The following TOM1L2 variants were observed in gnomAD, a reference collection of about 807,000 sequenced individuals.
The protein encoded by TOM1L2 is target of myb1 like 2 membrane trafficking protein.
Under a neutral mutation model 67.9 loss-of-function variants are expected in TOM1L2, and 31 were observed. That is an observed-to-expected ratio of 0.46 (90% confidence interval 0.34 to 0.62). The LOEUF is 0.62. TOM1L2 is among the 20% of genes least tolerant of loss of function. TOM1L2 has a pLI of 0.01. For missense variants in TOM1L2, 606 were observed against 663.5 expected (o/e 0.91, Z 0.95); for synonymous variants, 256 against 254.0 (o/e 1.01, Z -0.07).
chr17:17,907,660 T>C (rs2039159654), intron 1 of TOM1L2, 129 bp from the exon 2 acceptor site: 1 of 721,932 alleles, frequency 1.4e-6, no homozygotes, highest in Non-Finnish European at 2.3e-6. Context: ...AGAGCCATTC[T>C]AGGAGTGCTA....
intron 12 of TOM1L2, chr17:17,857,649 G>A (rs751678159): frequency 6.1e-5 from 49 of 798,496 alleles, no homozygotes; most frequent in African/African-American, 2.3e-4. Context: ...GAAAGAAAGC[G>A]TGTGGCCTTG....
chr17:17,854,059 G>A lies in TOM1L2; in HGVS notation c.1279-3107C>T, dbSNP rs547222349. Among the ~76,000 whole-genome samples, 4 of 152,364 alleles carry A rather than the reference G, an allele frequency of 2.6e-5. No individual in the cohort carries two copies. The East Asian group carries it at 7.7e-4, about 29-fold the overall frequency. ...AGGGCGTGAACCATGGTGGAGCAGG[G>A]TGATGGTTAACAGTTAAGCTTATAT... On this transcript the variant is annotated intron_variant, in intron 12 of 14. Coordinates refer to ENST00000379504, the MANE Select transcript of TOM1L2 (RefSeq NM_001082968.2).
At chr17:17,880,814 G>A (rs573500823) in intron 6 of TOM1L2, among the ~76,000 whole-genome samples, 104 of 152,278 alleles carry the variant, frequency 6.8e-4, no homozygotes, top group African/African-American at 2.0e-3. Flanking sequence ...ACACACATAC[G>A]GCCCTTGTTC....
At chr17:17,935,524 C>A (rs1335090477) in intron 1 of TOM1L2, among the ~76,000 whole-genome samples, 1 of 152,154 alleles carries the variant, frequency 6.6e-6, no homozygotes, top group Non-Finnish European at 1.5e-5. Context: ...CTGTGCTTTC[C>A]AAGGTCCTGG....
intron 1 of TOM1L2, among the ~76,000 whole-genome samples, chr17:17,947,486 T>C (rs2041001894): frequency 6.6e-6 from 1 of 152,174 alleles, no homozygotes; most frequent in South Asian, 2.1e-4. Context: ...AATCCAATCA[T>C]GCATGCACAG....
chr17:17,887,396 C>G (rs997980066), intron 4 of TOM1L2, among the ~76,000 whole-genome samples: 3 of 152,212 alleles, frequency 2.0e-5, no homozygotes, highest in East Asian at 3.8e-4. Flanking sequence ...TCTCTCATCT[C>G]TGGGTGTCTC....
At chr17:17,869,072 A>C in intron 8 of TOM1L2, 1 of 433,784 alleles carries the variant, frequency 2.3e-6, no homozygotes. Context: ...GTGGCGGGGC[A>C]GTGGGGAAAG....
At position 17,847,772 on chromosome 17, in the gene TOM1L2, A is replaced by G; in HGVS notation, c.1387T>C (p.Phe463Leu). The change falls in exon 15 of 15, where the codon TTC becomes CTC. Residue 463 changes from phenylalanine (F) to leucine (L), a missense_variant. Physicochemically the swap from Phe to Leu is conservative, Grantham distance 22. Transcript: ENST00000379504. ...EGVTSEEFDK[F>L]LEERAKAAEM... ...GCAGCTTTGGCTCTTTCTTCAAGGAATTTATCAAACTCTGCAATACAAACC... is the reference window on the plus strand; with the variant it reads ...GCAGCTTTGGCTCTTTCTTCAAGGAGTTTATCAAACTCTGCAATACAAACC... 1 of 1,614,018 alleles carries G rather than the reference A, an allele frequency of 6.2e-7. No individual in the cohort carries two copies. The highest frequency in any genetic ancestry group is 1.1e-5 in the South Asian group (1 of 91,086).
chr17:17,857,706 G>A, intron 12 of TOM1L2: 1 of 1,376,320 alleles, frequency 7.3e-7, no homozygotes, highest in Non-Finnish European at 1.0e-6. Context: ...AGGAAGACAT[G>A]AGCTGTTACA....
chr17:17,933,088 T>C (rs2040397717), intron 1 of TOM1L2, among the ~76,000 whole-genome samples: 1 of 152,102 alleles, frequency 6.6e-6, no homozygotes, highest in African/African-American at 2.4e-5. Context: ...GCAGGCAGTA[T>C]AGAGCTGGAG....
At chr17:17,920,622 G>A (rs1352602989) in intron 1 of TOM1L2, among the ~76,000 whole-genome samples, 1 of 149,726 alleles carries the variant, frequency 6.7e-6, no homozygotes. Context: ...ACAGGAGTGA[G>A]CCACTGCGCC....
chr17:17,915,658 G>T (rs2039596218), intron 1 of TOM1L2, among the ~76,000 whole-genome samples: 1 of 151,970 alleles, frequency 6.6e-6, no homozygotes, highest in African/African-American at 2.4e-5. Flanking sequence ...TGGGACTTCA[G>T]GGATGCACCA....
intron 1 of TOM1L2, among the ~76,000 whole-genome samples, chr17:17,908,752 C>T (rs1303581549): frequency 6.6e-6 from 1 of 152,140 alleles, no homozygotes; most frequent in African/African-American, 2.4e-5. Context: ...ACCTCACACC[C>T]ATTAGGATGG....
chr17:17,894,158 G>A (rs1166019302), intron 3 of TOM1L2, among the ~76,000 whole-genome samples: 1 of 152,128 alleles, frequency 6.6e-6, no homozygotes, highest in African/African-American at 2.4e-5. Context: ...CCTCTCTCTG[G>A]GCCTCTGGGT....
chr17:17,857,208 C>T (rs1319314965), intron 12 of TOM1L2, among the ~76,000 whole-genome samples: 2 of 152,238 alleles, frequency 1.3e-5, no homozygotes, highest in African/African-American at 2.4e-5. Flanking sequence ...CTGCCTCAGC[C>T]TCCCAAAGTG....
intron 1 of TOM1L2, among the ~76,000 whole-genome samples, chr17:17,939,152 G>A (rs936520708): frequency 2.6e-4 from 39 of 152,284 alleles, no homozygotes; most frequent in Admixed American, 3.9e-4. Context: ...TTAAACCTTT[G>A]CAAAGAGAGG....
chr17:17,957,067 C>G (rs371180188), intron 1 of TOM1L2, among the ~76,000 whole-genome samples: 6 of 152,388 alleles, frequency 3.9e-5, no homozygotes, highest in Admixed American at 2.0e-4. Flanking sequence ...CAGTCTCCAC[C>G]TCCTGGGCTC....
chr17:17,941,606 C>T (rs1391858464), intron 1 of TOM1L2, among the ~76,000 whole-genome samples: 1 of 152,104 alleles, frequency 6.6e-6, no homozygotes, highest in Non-Finnish European at 1.5e-5. Flanking sequence ...CCCTCACCTG[C>T]CCGTCCCTAA....
intron 6 of TOM1L2, among the ~76,000 whole-genome samples, chr17:17,879,991 A>G (rs2037635048): frequency 6.6e-6 from 1 of 152,188 alleles, no homozygotes; most frequent in African/African-American, 2.4e-5. Flanking sequence ...ACACGAAAGC[A>G]GTACCACGTA....
Sources: gnomAD v4.1 joint callset for allele counts (sites outside exome capture counted in the v4.1 genomes callset) on GRCh38, gnomAD v4.1.1 for gene constraint, MANE v1.5 for transcripts, NCBI Gene and HGNC (gene_info 2026-07-23, HGNC 2026-07-21) for gene names.